Variants in NXPE4 observed in about 807,000 individuals in gnomAD.
The protein encoded by NXPE4 is NXPE family member 4.
NXPE4 carries 42 observed loss-of-function variants against 33.3 expected under a neutral mutation model. The observed-to-expected ratio is 1.26, with a 90% CI of 0.98 to 1.63. The LOEUF (loss-of-function observed/expected upper bound fraction) is 1.63, where lower values mean the gene tolerates loss of function less well. Among genes scored for constraint, NXPE4 ranks in the 40% most tolerant of loss-of-function variants. The probability of loss-of-function intolerance (pLI) is 0.00; values close to 1 mark genes in which losing one functional copy is unlikely to be tolerated. For missense variants in NXPE4, 709 were observed against 647.6 expected (o/e 1.09, Z -1.03); for synonymous variants, 253 against 234.9 (o/e 1.08, Z -0.71).
chr11:114,594,564 C>G, intron 2 of NXPE4, 100 bp downstream of exon 2: 2 of 759,960 alleles, frequency 2.6e-6, no homozygotes, highest in Admixed American at 4.9e-5. Context: ...AAACTCCCCT[C>G]CTATAATCTA....
At chr11:114,633,680 G>A in the NXPE4 span, among the ~76,000 whole-genome samples, 1 of 142,570 alleles carries the variant, frequency 7.0e-6, no homozygotes, top group Non-Finnish European at 1.5e-5. Flanking sequence ...TGTTCTCATT[G>A]TTCAATTCCC....
chr11:114,614,183 G>A, the NXPE4 span, among the ~76,000 whole-genome samples: 2 of 145,910 alleles, frequency 1.4e-5, no homozygotes, highest in Non-Finnish European at 3.0e-5. Context: ...GTAATAAGAG[G>A]GATATTATCC....
In NXPE4 at chr11:114,582,933, A is replaced by T. The variant is rs1248809312; in HGVS notation, c.185T>A (p.Leu62Ter). ...SLFPKTPLIS[L>*]KPLTETELRI... is the part of the protein sequence containing the mutation. ...GAGTTCAGTCTCTGTTAGTGGCTTT[A>T]ATGATATCAGTGGTGTTTTAGGGAA... The change falls in exon 3 of 6, where the codon TTA (leucine) becomes TAA (stop). Residue 62 changes from leucine (L) to a stop codon, truncating the protein, a stop_gained. Coordinates refer to ENST00000375478, the MANE Select transcript of NXPE4 (RefSeq NM_001077639.2). LOFTEE classifies it high-confidence loss of function. 6.2e-7 allele frequency: 1 copy of T among 1,614,002 alleles called. No individual in the cohort carries two copies. The highest frequency in any genetic ancestry group is 2.2e-5 in the East Asian group (1 of 44,870).
At chr11:114,632,991 T>C in the NXPE4 span, among the ~76,000 whole-genome samples, 7 of 104,506 alleles carry the variant, frequency 6.7e-5, no homozygotes, top group Non-Finnish European at 1.2e-4. Context: ...TATTTTTATA[T>C]AATATATAAT....
the NXPE4 span, among the ~76,000 whole-genome samples, chr11:114,612,432 C>T: frequency 1.9e-3 from 292 of 151,962 alleles, 5 homozygotes; most frequent in East Asian, 0.044. Context: ...AGTGTTGCCT[C>T]GTGGGTCACC....
the NXPE4 span, among the ~76,000 whole-genome samples, chr11:114,639,861 AT>A: frequency 4.6e-3 from 286 of 62,526 alleles, 2 homozygotes; most frequent in East Asian, 0.02. Flanking sequence ...AATATATATT[AT>A]ATTTTATATT....
the NXPE4 span, among the ~76,000 whole-genome samples, chr11:114,650,207 G>A: frequency 5.9e-5 from 9 of 152,134 alleles, no homozygotes; most frequent in Non-Finnish European, 1.2e-4. Context: ...ATACACAAAC[G>A]ATTTCATCTT....
chr11:114,632,627 T>A, the NXPE4 span, among the ~76,000 whole-genome samples: 2 of 100,730 alleles, frequency 2.0e-5, no homozygotes, highest in South Asian at 5.3e-4. Flanking sequence ...TATATTTATA[T>A]ATAATAAATG....
the NXPE4 span, among the ~76,000 whole-genome samples, chr11:114,661,641 T>C: frequency 6.6e-6 from 1 of 152,236 alleles, no homozygotes; most frequent in African/African-American, 2.4e-5. Flanking sequence ...AGACATTTCC[T>C]CTTTATCTCA....
intron 2 of NXPE4, among the ~76,000 whole-genome samples, chr11:114,588,388 G>A (rs955333551): frequency 2.0e-5 from 3 of 152,126 alleles, no homozygotes; most frequent in Non-Finnish European, 2.9e-5. Context: ...GTATATAAAA[G>A]CTTTCCAAAA....
the NXPE4 span, among the ~76,000 whole-genome samples, chr11:114,641,447 T>C: frequency 6.6e-6 from 1 of 151,998 alleles, no homozygotes; most frequent in Non-Finnish European, 1.5e-5. Flanking sequence ...AATTGCAAAA[T>C]ATTTGACAAT....
chr11:114,607,980 G>A, the NXPE4 span, among the ~76,000 whole-genome samples: 1 of 151,788 alleles, frequency 6.6e-6, no homozygotes, highest in African/African-American at 2.4e-5. Flanking sequence ...TGCCTCGTGA[G>A]TCACCGCTGC....
intron 2 of NXPE4, among the ~76,000 whole-genome samples, chr11:114,591,211 C>G (rs1949444582): frequency 6.6e-6 from 1 of 152,218 alleles, no homozygotes; most frequent in Non-Finnish European, 1.5e-5. Flanking sequence ...ACTAGCTGAA[C>G]TGACAGCTCT....
the NXPE4 span, among the ~76,000 whole-genome samples, chr11:114,638,905 G>A: frequency 9.8e-6 from 1 of 102,090 alleles, no homozygotes; most frequent in African/African-American, 4.8e-5. Context: ...AGGCTGCTTG[G>A]GGGTCAGGGG....
the NXPE4 span, among the ~76,000 whole-genome samples, chr11:114,632,971 A>G: frequency 9.7e-6 from 1 of 103,322 alleles, no homozygotes; most frequent in South Asian, 2.7e-4. Context: ...ATTATATATT[A>G]TATATTATAT....
At chr11:114,634,171 G>A in the NXPE4 span, among the ~76,000 whole-genome samples, 4 of 151,722 alleles carry the variant, frequency 2.6e-5, no homozygotes, top group East Asian at 7.7e-4. Flanking sequence ...GGTGTGAGAT[G>A]GTATCTCATT....
At chr11:114,624,703 C>T in the NXPE4 span, among the ~76,000 whole-genome samples, 8,732 of 152,128 alleles carry the variant, frequency 0.057, 347 homozygotes, top group African/African-American at 0.097. Context: ...TCTAGGGTAA[C>T]CACTGTCTCC....
the NXPE4 span, among the ~76,000 whole-genome samples, chr11:114,621,951 C>T: frequency 6.6e-6 from 1 of 151,898 alleles, no homozygotes; most frequent in South Asian, 2.1e-4. Context: ...ACCTGTTACC[C>T]TGTGGATAAT....
At chr11:114,577,463 G>A (rs1394708573) in intron 5 of NXPE4, among the ~76,000 whole-genome samples, 1 of 152,080 alleles carries the variant, frequency 6.6e-6, no homozygotes, top group Non-Finnish European at 1.5e-5. Flanking sequence ...CTGCTCGGGC[G>A]ATGGGTGCAT....
Sources: allele counts gnomAD v4.1 joint callset (sites outside exome capture counted in the v4.1 genomes callset), GRCh38; gene constraint gnomAD v4.1.1; transcripts MANE v1.5; gene names NCBI Gene and HGNC (gene_info 2026-07-23, HGNC 2026-07-21).